MPDZ: variants seen among roughly 807,000 people sequenced by gnomAD.
MPDZ encodes the protein multiple PDZ domain crumbs cell polarity complex component, also known as multiple PDZ domain protein.
In MPDZ, 234 loss-of-function variants were observed where a neutral mutation model predicts 239.1. That is an observed-to-expected ratio of 0.98 (90% CI 0.88 to 1.09). The LOEUF (loss-of-function observed/expected upper bound fraction) is 1.09. MPDZ is among the 50% of genes least tolerant of loss of function. MPDZ has a pLI of 0.00. For synonymous variants in MPDZ, 1,048 were observed against 881.3 expected (o/e 1.19, Z -3.35); for missense variants, 3,175 against 2,510.0 (o/e 1.26, Z -5.66).
intron 2 of MPDZ, among the ~76,000 whole-genome samples, chr9:13,248,234 A>G (rs1966873634): frequency 6.6e-6 from 1 of 151,946 alleles, no homozygotes; most frequent in Admixed American, 6.6e-5. Flanking sequence ...TCTCAAAAAA[A>G]AAAAAAAAAA....
intron 21 of MPDZ, among the ~76,000 whole-genome samples, chr9:13,171,660 T>G (rs1223339169): frequency 6.6e-6 from 1 of 152,208 alleles, no homozygotes; most frequent in Non-Finnish European, 1.5e-5. Context: ...TGTATATTTA[T>G]TAATGTATCT....
Position 13,188,998 on chromosome 9 carries a change from C to G in MPDZ, c.2155-5G>C. 1 of 1,608,848 alleles carries G rather than the reference C, an allele frequency of 6.2e-7. No homozygotes were observed. On this transcript the variant is annotated splice_region_variant and splice_polypyrimidine_tract_variant and intron_variant, in intron 16 of 46. Coordinates refer to ENST00000319217, the MANE Select transcript of MPDZ (RefSeq NM_001378778.1). The stretch of plus-strand genomic sequence containing the variant: ...GCTTGCTGGATCAATTGGATCCTGA[C>G]AGAAGGCAAAAGGAAAGAGTCAGCT...
chr9:13,183,175 C>G (rs1360196046), intron 19 of MPDZ, among the ~76,000 whole-genome samples: 1 of 152,022 alleles, frequency 6.6e-6, no homozygotes, highest in Non-Finnish European at 1.5e-5. Flanking sequence ...AAACCCTAAT[C>G]AAAGCTTTGA....
intron 12 of MPDZ, among the ~76,000 whole-genome samples, chr9:13,198,737 C>CTCTCTGTGTGCGTGTG (rs755487892): frequency 7.2e-4 from 50 of 69,756 alleles, no homozygotes; most frequent in Non-Finnish European, 1.3e-3. Context: ...ATCTCTCTCT[C>CTCTCTGTGTGCGTGTG]TGTGTGTGTG....
At chr9:13,250,152 T>C in intron 2 of MPDZ, 148 bp downstream of exon 2, 1 of 590,970 alleles carries the variant, frequency 1.7e-6, no homozygotes, top group East Asian at 2.9e-5. Context: ...AGAAACATAT[T>C]ACCTTAATAC....
rs796346475 is a variant in MPDZ at position 13,165,284 on chromosome 9, G to C, written c.3255-2489C>G. ...TATATCTGGATCTATTCTTGCATTG[G>C]GACATTACAAAAGCACAAAATTGTT... is the stretch of plus-strand genomic sequence containing the variant. On this transcript the variant is annotated intron_variant, in intron 22 of 46. Coordinates refer to ENST00000319217, the MANE Select transcript of MPDZ (RefSeq NM_001378778.1). 14 of 1,351,096 alleles carry C rather than the reference G, an allele frequency of 1.0e-5. 1 individual carries two copies. In the African/African-American group the frequency reaches 1.3e-4, roughly 13 times the overall value. The allele number at this position is 1,351,096 out of a possible 1,614,324, so 83.7% of individuals were successfully genotyped here. A position where few individuals can be genotyped will look rare whatever the true frequency, so the allele number is the denominator to read the frequency against.
chr9:13,217,885 C>A (rs1316691409), intron 8 of MPDZ, among the ~76,000 whole-genome samples: 3 of 151,790 alleles, frequency 2.0e-5, no homozygotes, highest in Admixed American at 2.0e-4. Context: ...AAGTGGGTTT[C>A]TCAGATGCCA....
chr9:13,267,694 AC>A (rs1314803349), intron 1 of MPDZ, among the ~76,000 whole-genome samples: 2 of 152,342 alleles, frequency 1.3e-5, no homozygotes, highest in East Asian at 3.9e-4. Flanking sequence ...ATGGCAAGAC[AC>A]AAGTAACAGG....
chr9:13,190,631 T>G (rs1954780204), intron 15 of MPDZ, among the ~76,000 whole-genome samples: 1 of 152,098 alleles, frequency 6.6e-6, no homozygotes, highest in Non-Finnish European at 1.5e-5. Context: ...GAAAAAAATG[T>G]AAAGCTATTT....
chr9:13,137,582 A>G (rs1013086556), intron 29 of MPDZ, among the ~76,000 whole-genome samples: 9 of 152,086 alleles, frequency 5.9e-5, no homozygotes, highest in Non-Finnish European at 1.3e-4. Flanking sequence ...CACTTCTCCC[A>G]TTAGTGATTC....
Position 13,183,425 on chromosome 9 carries a change from G to A in MPDZ, c.2642C>T (p.Pro881Leu). ...TTGGCTTTTCCTTTGTACCTTAGGA[G>A]GAGATGATGGAAGGGAAGAACCATA... ...LNYGSSLPSS[P>L]PKDVIENSCD... Residue 881 changes from proline to leucine, a missense_variant, in exon 19 of 47, where the codon CCT becomes CTT. By Grantham distance (98) the Pro-to-Leu change is moderately conservative. Transcript: ENST00000319217. The A allele has an allele frequency of 6.2e-7, 1 of 1,605,214 alleles. No homozygotes were observed.
chr9:13,198,737 C>CTCTCTCTCTGTGTGTGTGTGTG (rs755487892), intron 12 of MPDZ, among the ~76,000 whole-genome samples: 7 of 69,750 alleles, frequency 1.0e-4, no homozygotes, highest in Admixed American at 4.6e-4. Context: ...ATCTCTCTCT[C>CTCTCTCTCTGTGTGTGTGTGTG]TGTGTGTGTG....
intron 13 of MPDZ, among the ~76,000 whole-genome samples, chr9:13,194,923 T>C (rs1466491192): frequency 6.6e-6 from 1 of 152,102 alleles, no homozygotes; most frequent in East Asian, 1.9e-4. Context: ...CTTAGGTCAA[T>C]TTAAAATGGT....
At chr9:13,246,488 G>T (rs571517056) in intron 3 of MPDZ, among the ~76,000 whole-genome samples, 10 of 152,090 alleles carry the variant, frequency 6.6e-5, no homozygotes, top group Non-Finnish European at 1.0e-4. Flanking sequence ...AACTTGTAAA[G>T]GAGACAAACA....
chr9:13,141,098 A>AG (rs1491158430), intron 27 of MPDZ, among the ~76,000 whole-genome samples: 1 of 47,530 alleles, frequency 2.1e-5, no homozygotes, highest in Non-Finnish European at 3.3e-5. Context: ...TCCTATTTCG[A>AG]AAAAAAAAAA....
At chr9:13,266,614 A>G (rs977150432) in intron 1 of MPDZ, among the ~76,000 whole-genome samples, 5 of 152,230 alleles carry the variant, frequency 3.3e-5, no homozygotes, top group African/African-American at 1.2e-4. Context: ...TTCCAAACAC[A>G]TAACTTGTTA....
In MPDZ at chr9:13,106,854, A is replaced by T; in HGVS notation, c.*111T>A. ...GAAACTTAAGTGTTATTTCCCCCCT[A>T]CAGTTTTGAAGACCCGGCTGAACAC... On this transcript the variant is annotated 3_prime_UTR_variant, in exon 47 of 47. Coordinates refer to ENST00000319217, the MANE Select transcript of MPDZ (RefSeq NM_001378778.1). 1.0e-5 allele frequency: 12 copies of T among 1,192,820 alleles called. No homozygotes were observed. The highest frequency in any genetic ancestry group is 1.4e-5 in the Non-Finnish European group (12 of 851,380). 73.9% of individuals were successfully genotyped at this position (1,192,820 alleles called of 1,614,324 possible). A position where few individuals can be genotyped will look rare whatever the true frequency, so the allele number is the denominator to read the frequency against.
At chr9:13,156,465 A>G (rs1283792990) in intron 24 of MPDZ, among the ~76,000 whole-genome samples, 1 of 152,190 alleles carries the variant, frequency 6.6e-6, no homozygotes, top group African/African-American at 2.4e-5. Flanking sequence ...GTCACATCTT[A>G]TGTGGATGGC....
chr9:13,159,908 A>G (rs1950263831), intron 23 of MPDZ, among the ~76,000 whole-genome samples: 1 of 152,148 alleles, frequency 6.6e-6, no homozygotes, highest in Admixed American at 6.6e-5. Context: ...CTCAGCCAAG[A>G]AAGAAGTCAA....
Sources: allele counts gnomAD v4.1 joint callset (sites outside exome capture counted in the v4.1 genomes callset), GRCh38; gene constraint gnomAD v4.1.1; transcripts MANE v1.5; gene names NCBI Gene and HGNC (gene_info 2026-07-23, HGNC 2026-07-21).